The following ADAMTSL1 variants were observed in gnomAD, a reference collection of about 807,000 sequenced individuals.
The protein encoded by ADAMTSL1 is ADAMTS like 1, also known as ADAMTS-like protein 1.
A neutral mutation model predicts 201.8 loss-of-function variants in ADAMTSL1; 126 were observed. The ratio of observed to expected loss-of-function variants is 0.62; its 90% confidence interval spans 0.54 to 0.72. The LOEUF (loss-of-function observed/expected upper bound fraction) is 0.72. ADAMTSL1 is among the 30% of genes least tolerant of loss of function. The pLI, the probability that ADAMTSL1 is intolerant of heterozygous loss-of-function variation, is 0.00. For synonymous variants in ADAMTSL1, 1,121 were observed against 903.4 expected (o/e 1.24, Z -4.32); for missense variants, 2,679 against 2,277.8 (o/e 1.18, Z -3.59).
chr9:18,721,652 C>T lies in ADAMTSL1; in HGVS notation c.1993C>T (p.Pro665Ser), dbSNP rs759321450. The T allele has an allele frequency of 1.1e-5, 18 of 1,613,782 alleles. No homozygotes were observed. Among genetic ancestry groups the T allele is most frequent in the Non-Finnish European group, 1.5e-5 (18 of 1,179,840 alleles). ...GCTCCTGAAGTCCTGCAATTTGGAT[C>T]CCTGCCCAGCAAGGTAAGGGATGTG... The part of the protein sequence containing the change: ...PQLLKSCNLD[P>S]CPARWEIGKW... Residue 665 changes from proline to serine, a missense_variant, in exon 15 of 29, where the codon CCC becomes TCC. Coordinates refer to ENST00000380548, the MANE Select transcript of ADAMTSL1 (RefSeq NM_001040272.6).
rs748063379 is a variant in ADAMTSL1 at position 18,636,020 on chromosome 9, A to G, written c.676+3A>G. 1.3e-6 allele frequency: 2 copies of G among 1,577,562 alleles called. No individual in the cohort carries two copies. The highest frequency in any genetic ancestry group is 1.7e-6 in the Non-Finnish European group (2 of 1,169,564). On this transcript the variant is annotated splice_donor_region_variant and intron_variant, in intron 6 of 28. Coordinates refer to ENST00000380548, the MANE Select transcript of ADAMTSL1 (RefSeq NM_001040272.6). ...CTTAAAAGGTCCTGATCACTTATGT[A>G]AGTAACTCCATTGTTTTCCTTTGGG...
At chr9:18,210,604 T>C (rs1465804379) in intron 2 of ADAMTSL1, among the ~76,000 whole-genome samples, 4 of 151,066 alleles carry the variant, frequency 2.6e-5, no homozygotes, top group Non-Finnish European at 5.9e-5. Flanking sequence ...CCTATGACAA[T>C]AATCATTGCA....
chr9:18,471,299 A>G (rs1821200966), upstream of ADAMTSL1, among the ~76,000 whole-genome samples: 1 of 152,186 alleles, frequency 6.6e-6, no homozygotes, highest in Non-Finnish European at 1.5e-5. Context: ...CATATATATG[A>G]ATATGAGATG....
intron 1 of ADAMTSL1, among the ~76,000 whole-genome samples, chr9:18,103,050 T>C (rs1824600064): frequency 6.6e-6 from 1 of 152,206 alleles, no homozygotes; most frequent in African/African-American, 2.4e-5. Flanking sequence ...GCCACTTTTA[T>C]ATATGTTGTC....
At position 17,968,941 on chromosome 9, in the gene ADAMTSL1, C is replaced by T. The variant is rs189156310; in HGVS notation, c.87+62019C>T. Among the ~76,000 whole-genome samples, 347 of 152,062 alleles carry T rather than the reference C, an allele frequency of 2.3e-3. 2 individuals are homozygous for T. Among genetic ancestry groups the T allele is most frequent in the African/African-American group, 8.0e-3 (331 of 41,478 alleles). The stretch of plus-strand genomic sequence containing the variant: ...AGTACTGGTTTTTAATTGCATCGAC[C>T]CAGAAGATATTTCCAATGTGCTCGT... On this transcript the variant is annotated intron_variant, in intron 1 of 29. Coordinates refer to the ADAMTSL1 transcript ENST00000680146.
At chr9:18,876,656 C>G (rs1828180125) in intron 23 of ADAMTSL1, among the ~76,000 whole-genome samples, 1 of 152,106 alleles carries the variant, frequency 6.6e-6, no homozygotes, top group Admixed American at 6.6e-5. Context: ...TATGGGTTAC[C>G]TGATACTTTT....
rs7869664 is a variant in ADAMTSL1 at position 18,274,738 on chromosome 9, G to A, written c.207+110757G>A. On this transcript the variant is annotated intron_variant, in intron 2 of 29. Coordinates refer to the ADAMTSL1 transcript ENST00000680146. ...TAAAAAAACTAAAATGAGGCAAATC[G>A]TTGCAAAAGAGACTATTATAAAAGA... Among the ~76,000 whole-genome samples, 820 of 152,126 alleles carry A rather than the reference G, an allele frequency of 5.4e-3. 4 individuals are homozygous for A. Among genetic ancestry groups the A allele is most frequent in the African/African-American group, 0.018 (730 of 41,538 alleles).
At chr9:18,237,332 C>T (rs2132433542) in intron 2 of ADAMTSL1, among the ~76,000 whole-genome samples, 1 of 152,330 alleles carries the variant, frequency 6.6e-6, no homozygotes, top group Non-Finnish European at 1.5e-5. Context: ...TACAGATACA[C>T]AGGGGCACTG....
intron 1 of ADAMTSL1, among the ~76,000 whole-genome samples, chr9:17,948,152 G>A (rs1232334879): frequency 1.3e-5 from 2 of 152,184 alleles, no homozygotes; most frequent in East Asian, 1.9e-4. Flanking sequence ...TATTGCTGCC[G>A]GGAGGGTTCA....
intron 16 of ADAMTSL1, among the ~76,000 whole-genome samples, chr9:18,770,260 C>A (rs185499588): frequency 6.6e-6 from 1 of 152,148 alleles, no homozygotes; most frequent in Admixed American, 6.5e-5. Context: ...TTCCCTGGAT[C>A]GTAAATATGC....
intron 7 of ADAMTSL1, among the ~76,000 whole-genome samples, chr9:18,648,596 C>G (rs1827978780): frequency 1.3e-5 from 2 of 151,470 alleles, no homozygotes; most frequent in South Asian, 4.2e-4. Flanking sequence ...GTGACAAAAT[C>G]TCTCAGCATT....
At chr9:18,021,114 T>A (rs1036255830) in intron 1 of ADAMTSL1, among the ~76,000 whole-genome samples, 15 of 152,176 alleles carry the variant, frequency 9.9e-5, no homozygotes, top group African/African-American at 3.6e-4. Flanking sequence ...CTCAGCAATT[T>A]GTGCTTTAAC....
intron 1 of ADAMTSL1, among the ~76,000 whole-genome samples, chr9:17,922,984 T>A (rs2131297324): frequency 6.6e-6 from 1 of 152,278 alleles, no homozygotes; most frequent in Admixed American, 6.5e-5. Context: ...GTGTGTTTTT[T>A]CTTCAAGTCA....
chr9:18,547,100 C>G (rs1199391152), intron 3 of ADAMTSL1, among the ~76,000 whole-genome samples: 1 of 152,100 alleles, frequency 6.6e-6, no homozygotes, highest in South Asian at 2.1e-4. Flanking sequence ...TATAGCAGAT[C>G]GTTTTTGACT....
intron 20 of ADAMTSL1, among the ~76,000 whole-genome samples, chr9:18,802,152 T>C (rs1054150644): frequency 2.0e-5 from 3 of 152,054 alleles, no homozygotes; most frequent in Non-Finnish European, 2.9e-5. Context: ...GGCACATACC[T>C]GTGGTCCCAG....
intron 1 of ADAMTSL1, among the ~76,000 whole-genome samples, chr9:17,950,084 TA>T (rs1484290609): frequency 6.6e-6 from 1 of 152,030 alleles, no homozygotes; most frequent in African/African-American, 2.4e-5. Flanking sequence ...ACTGCCAGCT[TA>T]TTTTTTGTAT....
chr9:18,163,591 C>G (rs1028711537), intron 1 of ADAMTSL1, among the ~76,000 whole-genome samples: 1 of 151,958 alleles, frequency 6.6e-6, no homozygotes, highest in Non-Finnish European at 1.5e-5. Flanking sequence ...GACCTGGCCA[C>G]AGAGATAACC....
intron 2 of ADAMTSL1, among the ~76,000 whole-genome samples, chr9:18,197,905 C>T (rs1829256210): frequency 6.6e-6 from 1 of 151,980 alleles, no homozygotes; most frequent in African/African-American, 2.4e-5. Context: ...GGTACCAAAA[C>T]AGAGATATAG....
chr9:18,775,478 AACTCTC>A (rs1450689809), intron 17 of ADAMTSL1, among the ~76,000 whole-genome samples: 1 of 152,186 alleles, frequency 6.6e-6, no homozygotes, highest in Non-Finnish European at 1.5e-5. Flanking sequence ...AACACTCCAT[AACTCTC>A]TAACTCTGAA....
Sources: allele counts gnomAD v4.1 joint callset (sites outside exome capture counted in the v4.1 genomes callset), GRCh38; gene constraint gnomAD v4.1.1; transcripts MANE v1.5; gene names NCBI Gene and HGNC (gene_info 2026-07-23, HGNC 2026-07-21).